Variants in CFAP251 observed in about 807,000 individuals in gnomAD.
The protein encoded by CFAP251 is cilia and flagella associated protein 251.
A neutral mutation model predicts 126.7 loss-of-function variants in CFAP251; 93 were observed. The observed-to-expected ratio is 0.73, with a 90% CI of 0.62 to 0.87. The LOEUF is 0.87. Ranked by LOEUF, CFAP251 falls within the 40% of genes least tolerant of loss-of-function variation. The pLI, the probability that CFAP251 is intolerant of heterozygous loss-of-function variation, is 0.00. For missense variants in CFAP251, 1,287 were observed against 1,389.2 expected, an observed-to-expected ratio of 0.93 and a Z score of 1.17; for synonymous variants, 503 against 506.9, an observed-to-expected ratio of 0.99 and a Z score of 0.10.
intron 4 of CFAP251, among the ~76,000 whole-genome samples, chr12:121,933,993 G>A (rs994343403): frequency 2.6e-5 from 4 of 152,130 alleles, no homozygotes; most frequent in Admixed American, 1.3e-4. Flanking sequence ...GGGAGTTGCC[G>A]CTTGCCTTCA....
chr12:121,921,143 C>G, intron 1 of CFAP251, 143 bp from the exon 2 acceptor site: 2 of 947,672 alleles, frequency 2.1e-6, no homozygotes, highest in Non-Finnish European at 3.0e-6. Context: ...GCCACCGTGC[C>G]TGGTCAGAAA....
chr12:121,967,139 A>G, intron 16 of CFAP251, 70 bp downstream of exon 16: 2 of 1,404,528 alleles, frequency 1.4e-6, no homozygotes, highest in African/African-American at 2.8e-5. Context: ...ATTACTGAAG[A>G]TCACGAGACT....
Position 121,957,270 on chromosome 12 carries a change from T to C in CFAP251, c.1730+2T>C. On this transcript the variant is annotated splice_donor_variant, in intron 11 of 21. Transcript: ENST00000288912. LOFTEE classifies it high-confidence loss of function. ...AAAAGGTGACCTTTTTGTCTTAAGG[T>C]AAGTTGTTAATGAATCTAGTCATTA... The C allele has an allele frequency of 6.2e-7, 1 of 1,605,812 alleles. No individual in the cohort carries two copies. The highest frequency in any genetic ancestry group is 8.5e-7 in the Non-Finnish European group (1 of 1,176,856).
At chr12:121,934,468 G>A (rs1880812703) in intron 5 of CFAP251, 112 bp downstream of exon 5, 2 of 789,762 alleles carry the variant, frequency 2.5e-6, no homozygotes, top group Admixed American at 2.4e-5. Flanking sequence ...ATTTGTTGGT[G>A]TTCCACAGTA....
chr12:121,927,079 A>G (rs923144311), intron 3 of CFAP251, among the ~76,000 whole-genome samples: 5 of 152,052 alleles, frequency 3.3e-5, no homozygotes, highest in Non-Finnish European at 5.9e-5. Flanking sequence ...TTCCTGCCAC[A>G]GTTGGCTGTG....
chr12:121,979,186 GAACGAGGACCTTAAA>G (rs879835000), intron 19 of CFAP251, among the ~76,000 whole-genome samples: 2 of 152,162 alleles, frequency 1.3e-5, no homozygotes, highest in African/African-American at 2.4e-5. Flanking sequence ...TCTGAGTCTT[GAACGAGGACCTTAAA>G]ATCACCAGGT....
In CFAP251 at chr12:121,954,146, T is replaced by C; in HGVS notation, c.1347T>C (p.Phe449=). Residue 449 remains phenylalanine, a synonymous_variant, in exon 10 of 22, where the codon TTT becomes TTC. Coordinates refer to ENST00000288912, the MANE Select transcript of CFAP251 (RefSeq NM_144668.6). The part of the protein sequence containing the change: ...EKTFNKLVGK[F]SQSIFHLNLT... ...CCTTCAACAAGCTTGTGGGAAAGTT[T>C]AGCCAGTCCATCTTTCACTTGAATT... 1.2e-6 allele frequency: 2 copies of C among 1,614,182 alleles called. No homozygotes were observed. The highest frequency in any genetic ancestry group is 8.5e-7 in the Non-Finnish European group (1 of 1,180,032).
chr12:121,943,075 AGGCTGAGGTAGG>A, intron 7 of CFAP251, 100 bp downstream of exon 7: 1 of 1,233,324 alleles, frequency 8.1e-7, no homozygotes, highest in Non-Finnish European at 1.2e-6. Context: ...GAACTTTGGG[AGGCTGAGGTAGG>A]TTATCACTTG....
In CFAP251 at chr12:121,958,159, T is replaced by C. The variant is rs1195219217; in HGVS notation, c.1731-113T>C. On this transcript the variant is annotated intron_variant, in intron 11 of 21. Coordinates refer to ENST00000288912, the MANE Select transcript of CFAP251 (RefSeq NM_144668.6). ...ATTTTTGGAAATGTTGGGTTAATAA[T>C]GTCACTAAATTACAGACGACAGAGG... is the stretch of plus-strand genomic sequence containing the variant. The C allele has an allele frequency of 2.1e-6, 3 of 1,451,830 alleles. No homozygotes were observed. The African/African-American group carries it at 4.2e-5, about 21-fold the overall frequency. 89.9% of individuals were successfully genotyped at this position (1,451,830 alleles called of 1,614,324 possible).
intron 19 of CFAP251, among the ~76,000 whole-genome samples, chr12:121,985,065 C>T (rs1314797915): frequency 1.3e-5 from 2 of 152,302 alleles, no homozygotes; most frequent in Middle Eastern, 6.8e-3. Flanking sequence ...ATTATTTGAT[C>T]TCAGTGTAAT....
intron 19 of CFAP251, among the ~76,000 whole-genome samples, chr12:121,979,645 A>G (rs1166583870): frequency 2.3e-5 from 3 of 130,372 alleles, no homozygotes; most frequent in African/African-American, 2.8e-5. Context: ...GTTTACTGCA[A>G]TCTCCGCCTC....
intron 19 of CFAP251, among the ~76,000 whole-genome samples, chr12:121,993,388 C>T (rs1275237720): frequency 7.3e-6 from 1 of 136,782 alleles, no homozygotes; most frequent in African/African-American, 2.8e-5. Flanking sequence ...CCGGCCGCCA[C>T]CCCGTCTGGG....
chr12:121,923,222 T>C (rs1315511966), intron 2 of CFAP251, among the ~76,000 whole-genome samples: 1 of 148,820 alleles, frequency 6.7e-6, no homozygotes, highest in Non-Finnish European at 1.5e-5. Flanking sequence ...TACAGTGACA[T>C]GATCTTTCAC....
At chr12:121,992,556 T>TTA (rs1480738745) in intron 19 of CFAP251, 3 of 852,170 alleles carry the variant, frequency 3.5e-6, no homozygotes, top group South Asian at 1.1e-4. Context: ...TTATATATAT[T>TTA]TATATATATT....
chr12:121,973,941 G>A (rs1447588118), intron 17 of CFAP251, among the ~76,000 whole-genome samples: 1 of 152,166 alleles, frequency 6.6e-6, no homozygotes, highest in East Asian at 1.9e-4. Flanking sequence ...TATTGGGAAG[G>A]CATGATTGGT....
At chr12:121,994,253 C>T (rs1593008333) in intron 19 of CFAP251, among the ~76,000 whole-genome samples, 4 of 62,748 alleles carry the variant, frequency 6.4e-5, no homozygotes, top group African/African-American at 2.1e-4. Context: ...CCCCTCTGCC[C>T]GGCCAGCCGC....
At position 121,976,203 on chromosome 12, in the gene CFAP251, T is replaced by C. The variant is rs116045385; in HGVS notation, c.3006+518T>C. 4.7e-3 allele frequency among the ~76,000 whole-genome samples: 722 copies of C among 152,130 alleles called. 9 individuals carry two copies. Among genetic ancestry groups the C allele is most frequent in the African/African-American group, 0.016 (682 of 41,512 alleles). On this transcript the variant is annotated intron_variant, in intron 19 of 21. Coordinates refer to ENST00000288912, the MANE Select transcript of CFAP251 (RefSeq NM_144668.6). Reference sequence around the variant, plus strand: ...TTTGTATTTTTAGTAGAGACGAGGCTTCACGATGTTGGTCAGACTGGTCTC... The same window carrying C: ...TTTGTATTTTTAGTAGAGACGAGGCCTCACGATGTTGGTCAGACTGGTCTC...
At position 121,970,339 on chromosome 12, in the gene CFAP251, CCTG is replaced by C. The variant is rs142509089; in HGVS notation, c.2771+2175_2771+2177del. Among the ~76,000 whole-genome samples the C allele has an allele frequency of 2.9e-3, 443 of 152,306 alleles. 1 individual carries two copies. The highest frequency in any genetic ancestry group is 5.7e-3 in the Admixed American group (87 of 15,294). ...GCTCATCCTCCCTGCCTCCTGTCATCCTGCTGCCCTGCTCAGCCAAGAGCAGAG... is the reference window on the plus strand; with the variant it reads ...GCTCATCCTCCCTGCCTCCTGTCATCCTGCCCTGCTCAGCCAAGAGCAGAG... On this transcript the variant is annotated intron_variant, in intron 17 of 21. Coordinates refer to ENST00000288912, the MANE Select transcript of CFAP251 (RefSeq NM_144668.6).
chr12:121,978,402 A>AAAAAAAAT (rs2135802072), intron 19 of CFAP251, among the ~76,000 whole-genome samples: 1 of 144,850 alleles, frequency 6.9e-6, no homozygotes, highest in Admixed American at 6.8e-5. Flanking sequence ...TCAAAAAAAA[A>AAAAAAAAT]AAAAAAAAAA....
Sources: gnomAD v4.1 joint callset for allele counts (sites outside exome capture counted in the v4.1 genomes callset) on GRCh38, gnomAD v4.1.1 for gene constraint, MANE v1.5 for transcripts, NCBI Gene and HGNC (gene_info 2026-07-23, HGNC 2026-07-21) for gene names.